Variants in FBXL7 observed in about 807,000 individuals in gnomAD.
FBXL7 encodes F-box/LRR-repeat protein 7.
Under a neutral mutation model 38.3 loss-of-function variants are expected in FBXL7, and 12 were observed. That is an observed-to-expected ratio of 0.31 (90% CI 0.20 to 0.51). The LOEUF is 0.51. Among genes scored for constraint, FBXL7 ranks in the 20% least tolerant of loss-of-function variants. FBXL7 has a pLI of 0.98. For synonymous variants in FBXL7, 297 were observed against 300.9 expected (o/e 0.99, Z 0.13); for missense variants, 567 against 676.4 (o/e 0.84, Z 1.79).
At chr5:15,770,779 A>G (rs1216589637) in intron 2 of FBXL7, among the ~76,000 whole-genome samples, 1 of 152,168 alleles carries the variant, frequency 6.6e-6, no homozygotes, top group Non-Finnish European at 1.5e-5. Context: ...CCCCACCATC[A>G]TACAGGAATG....
At chr5:15,673,966 A>G (rs1742570053) in intron 2 of FBXL7, among the ~76,000 whole-genome samples, 2 of 152,210 alleles carry the variant, frequency 1.3e-5, no homozygotes, top group Non-Finnish European at 2.9e-5. Context: ...GTGCGTTTGG[A>G]TGTAAATCTG....
intron 2 of FBXL7, among the ~76,000 whole-genome samples, chr5:15,839,387 G>A (rs554098728): frequency 1.3e-5 from 2 of 151,852 alleles, no homozygotes; most frequent in Non-Finnish European, 2.9e-5. Context: ...TAGGTCTTTA[G>A]TCTATTTAGA....
chr5:15,557,505 T>A (rs1738282636), intron 1 of FBXL7, among the ~76,000 whole-genome samples: 1 of 152,216 alleles, frequency 6.6e-6, no homozygotes, highest in African/African-American at 2.4e-5. Flanking sequence ...AAAAGTAAGA[T>A]GTGTAAGGCT....
At chr5:15,916,128 G>GT (rs999174078) in intron 2 of FBXL7, among the ~76,000 whole-genome samples, 3 of 152,200 alleles carry the variant, frequency 2.0e-5, no homozygotes, top group African/African-American at 7.2e-5. Context: ...AAATACACTT[G>GT]TGGGGAGAGG....
At chr5:15,837,014 C>T (rs1052280469) in intron 2 of FBXL7, among the ~76,000 whole-genome samples, 1 of 152,120 alleles carries the variant, frequency 6.6e-6, no homozygotes, top group African/African-American at 2.4e-5. Context: ...CCCTCGTGTC[C>T]AGCAGACAAA....
At chr5:15,517,619 A>C (rs1736979319) in intron 1 of FBXL7, among the ~76,000 whole-genome samples, 1 of 152,158 alleles carries the variant, frequency 6.6e-6, no homozygotes, top group Admixed American at 6.5e-5. Flanking sequence ...ATGAAAGCAA[A>C]ATGAAGGCAG....
intron 2 of FBXL7, among the ~76,000 whole-genome samples, chr5:15,631,699 A>G (rs1186997706): frequency 6.8e-6 from 1 of 147,396 alleles, no homozygotes; most frequent in Admixed American, 6.8e-5. Flanking sequence ...AAAAAAAGGA[A>G]GTATGGTGTG....
At chr5:15,884,800 G>A (rs998156520) in intron 2 of FBXL7, among the ~76,000 whole-genome samples, 1 of 152,124 alleles carries the variant, frequency 6.6e-6, no homozygotes, top group Non-Finnish European at 1.5e-5. Flanking sequence ...CTTTTAGAAA[G>A]GGCAAAGCGG....
chr5:15,928,586 C>G lies in FBXL7; in HGVS notation c.739+85C>G, dbSNP rs1741958026. 1.3e-6 allele frequency: 2 copies of G among 1,499,428 alleles called. No individual in the cohort carries two copies. Among genetic ancestry groups the G allele is most frequent in the African/African-American group, 2.8e-5 (2 of 72,190 alleles). The allele number at this position is 1,499,428 out of a possible 1,614,324, so 92.9% of individuals were successfully genotyped here. A position where few individuals can be genotyped will look rare whatever the true frequency, so the allele number is the denominator to read the frequency against. ...GGGACAGTGCCACCACCGGAGGGTCCTCTTCTTGCAAGCCATCAGAGATGG... is the reference window on the plus strand; with the variant it reads ...GGGACAGTGCCACCACCGGAGGGTCGTCTTCTTGCAAGCCATCAGAGATGG... On this transcript the variant is annotated intron_variant, in intron 3 of 3. Coordinates refer to ENST00000504595, the MANE Select transcript of FBXL7 (RefSeq NM_012304.5). This position sits in a 1 kb window ranked among gnomAD's most constrained non-coding sequence, Gnocchi z 4.0.
intron 2 of FBXL7, among the ~76,000 whole-genome samples, chr5:15,730,500 A>G (rs1366775119): frequency 6.6e-6 from 1 of 152,186 alleles, no homozygotes; most frequent in African/African-American, 2.4e-5. Flanking sequence ...TGGACTAAAT[A>G]TACCAAAAAT....
At chr5:15,520,063 G>C (rs539211609) in intron 1 of FBXL7, among the ~76,000 whole-genome samples, 1 of 152,056 alleles carries the variant, frequency 6.6e-6, no homozygotes, top group Non-Finnish European at 1.5e-5. Flanking sequence ...AGTCCATATC[G>C]GGTAACTTCC....
chr5:15,550,722 T>C (rs1464726506), intron 1 of FBXL7, among the ~76,000 whole-genome samples: 3 of 152,234 alleles, frequency 2.0e-5, no homozygotes, highest in Non-Finnish European at 4.4e-5. Context: ...TCAGATCTCT[T>C]TGTGGCAACC....
chr5:15,670,573 G>A (rs1297043626), intron 2 of FBXL7, among the ~76,000 whole-genome samples: 2 of 152,136 alleles, frequency 1.3e-5, no homozygotes, highest in African/African-American at 4.8e-5. Context: ...GGATAAGGCA[G>A]GTGAATCATC....
intron 1 of FBXL7, among the ~76,000 whole-genome samples, chr5:15,554,794 G>C (rs1738182734): frequency 6.6e-6 from 1 of 152,186 alleles, no homozygotes; most frequent in African/African-American, 2.4e-5. Flanking sequence ...TGGGGAAGAT[G>C]TTTGACATCA....
intron 1 of FBXL7, among the ~76,000 whole-genome samples, chr5:15,507,807 G>A (rs1284852916): frequency 6.6e-6 from 1 of 152,280 alleles, no homozygotes; most frequent in South Asian, 2.1e-4. Context: ...ACTTTGGGAG[G>A]TTGAGGCAGG....
rs1742278086 is a variant in FBXL7 at position 15,939,128 on chromosome 5, ACAT to A, written c.*1946_*1948del. ...TGTCTGCCCAGGAGGTTTCTTTCAAACATCATGGCCTCCCATCCAATCAACATC... is the reference window on the plus strand; with the variant it reads ...TGTCTGCCCAGGAGGTTTCTTTCAAACATGGCCTCCCATCCAATCAACATC... On this transcript the variant is annotated 3_prime_UTR_variant, in exon 4 of 4. Transcript: ENST00000504595. 7.5e-6 allele frequency: 3 copies of A among 398,862 alleles called. No homozygotes were observed. Among genetic ancestry groups the A allele is most frequent in the African/African-American group, 4.1e-5 (2 of 48,730 alleles). 24.7% of individuals were successfully genotyped at this position (398,862 alleles called of 1,614,324 possible).
In FBXL7 at chr5:15,931,584, C is replaced by G. The variant is rs77121340; in HGVS notation, c.739+3083C>G. Among the ~76,000 whole-genome samples the G allele has an allele frequency of 7.1e-3, 1,085 of 152,262 alleles. 12 individuals are homozygous for G. The highest frequency in any genetic ancestry group is 0.024 in the African/African-American group (977 of 41,544). The stretch of plus-strand genomic sequence containing the variant: ...TAACCATTTACTTTCCTGCATGAAA[C>G]CTCCAATAATTGCTCCCTATGACCT... On this transcript the variant is annotated intron_variant, in intron 3 of 3. Transcript: ENST00000504595.
intron 2 of FBXL7, among the ~76,000 whole-genome samples, chr5:15,639,032 C>T (rs1239298483): frequency 6.6e-6 from 1 of 152,162 alleles, no homozygotes; most frequent in Admixed American, 6.5e-5. Context: ...GCGATCTTCT[C>T]AGTAAGGAGT....
At chr5:15,845,153 G>A (rs1457188702) in intron 2 of FBXL7, among the ~76,000 whole-genome samples, 1 of 152,154 alleles carries the variant, frequency 6.6e-6, no homozygotes, top group Non-Finnish European at 1.5e-5. Flanking sequence ...TTTAACTGCT[G>A]GGTGAAAATT....
Sources: allele counts gnomAD v4.1 joint callset (sites outside exome capture counted in the v4.1 genomes callset), GRCh38; gene constraint gnomAD v4.1.1; non-coding constraint Gnocchi (gnomAD v3.1); transcripts MANE v1.5; gene names NCBI Gene and HGNC (gene_info 2026-07-23, HGNC 2026-07-21).